Variants in MEGF9 observed in about 807,000 individuals in gnomAD.
The protein encoded by MEGF9 is multiple EGF like domains 9.
MEGF9 carries 6 observed loss-of-function variants against 46.8 expected under a neutral mutation model. That is an observed-to-expected ratio of 0.13 (90% CI 0.07 to 0.25). The LOEUF (loss-of-function observed/expected upper bound fraction) is 0.25, where lower values mean the gene tolerates loss of function less well. Among genes scored for constraint, MEGF9 ranks in the 10% least tolerant of loss-of-function variants. The probability of loss-of-function intolerance (pLI) is 1.00; values close to 1 mark genes in which losing one functional copy is unlikely to be tolerated. For missense variants in MEGF9, 683 were observed against 792.4 expected (o/e 0.86, Z 1.66); for synonymous variants, 302 against 330.7 (o/e 0.91, Z 0.94).
chr9:120,713,704 T>C lies in MEGF9; in HGVS notation c.601+54A>G, dbSNP rs917759486. 2.8e-5 allele frequency: 35 copies of C among 1,263,672 alleles called. No homozygotes were observed. The East Asian group carries it at 4.4e-4, about 16-fold the overall frequency. The allele number at this position is 1,263,672 out of a possible 1,614,324, so 78.3% of individuals were successfully genotyped here. On this transcript the variant is annotated intron_variant, in intron 1 of 5. Coordinates refer to ENST00000373930, the MANE Select transcript of MEGF9 (RefSeq NM_001080497.3). The stretch of plus-strand genomic sequence containing the variant: ...TTATAGGCAAGAGCCCAACCCTAGA[T>C]TGCCGGGGCTGAGGTGAGGACGGGT...
At chr9:120,641,312 TTAAAG>T (rs1437064959) in intron 2 of MEGF9, among the ~76,000 whole-genome samples, 1 of 152,166 alleles carries the variant, frequency 6.6e-6, no homozygotes, top group South Asian at 2.1e-4. Context: ...GGTTTGTTCA[TTAAAG>T]TAAGATAAAG....
chr9:120,643,190 T>G (rs2043610709), intron 2 of MEGF9, among the ~76,000 whole-genome samples: 1 of 152,076 alleles, frequency 6.6e-6, no homozygotes, highest in Non-Finnish European at 1.5e-5. Context: ...AGTCCCATAT[T>G]TATCTCCATC....
exon 1 of MEGF9, chr9:120,714,464 TCCCTCTGACAGG>T (rs1300701463): frequency 1.0e-6 from 1 of 1,003,822 alleles, no homozygotes; most frequent in African/African-American, 1.7e-5. Context: ...CATCGCCACC[TCCCTCTGACAGG>T]CGGCCGGCCC....
At chr9:120,614,017 A>ATTTTT (rs5900454) in intron 3 of MEGF9, among the ~76,000 whole-genome samples, 2 of 147,316 alleles carry the variant, frequency 1.4e-5, no homozygotes. Flanking sequence ...AAAAAGCTCA[A>ATTTTT]TTTTTTTTTT....
At chr9:120,712,049 G>T (rs2043956560) in intron 1 of MEGF9, among the ~76,000 whole-genome samples, 2 of 152,138 alleles carry the variant, frequency 1.3e-5, no homozygotes, top group Non-Finnish European at 1.5e-5. Flanking sequence ...TTGAGTTCAG[G>T]AACTCAAGAC....
At chr9:120,611,853 AAGGAAGG>A (rs1334972669) in intron 4 of MEGF9, among the ~76,000 whole-genome samples, 15 of 139,792 alleles carry the variant, frequency 1.1e-4, no homozygotes, top group East Asian at 4.1e-4. Context: ...GGAAGGAAGG[AAGGAAGG>A]AAGAAAGAGA....
At chr9:120,640,931 T>A (rs112345526) in intron 2 of MEGF9, among the ~76,000 whole-genome samples, 47 of 149,950 alleles carry the variant, frequency 3.1e-4, no homozygotes, top group African/African-American at 1.1e-3. Context: ...AATGTTTAGA[T>A]CCCACTTATA....
At chr9:120,615,211 C>T (rs2043465907) in intron 3 of MEGF9, among the ~76,000 whole-genome samples, 1 of 151,366 alleles carries the variant, frequency 6.6e-6, no homozygotes. Flanking sequence ...TGCAATCCAG[C>T]CTGGGCAACA....
chr9:120,664,316 C>T (rs953913472), intron 1 of MEGF9, among the ~76,000 whole-genome samples: 7 of 152,216 alleles, frequency 4.6e-5, no homozygotes, highest in Non-Finnish European at 8.8e-5. Context: ...TTGGAAAATA[C>T]TAATTGTGAT....
intron 2 of MEGF9, among the ~76,000 whole-genome samples, chr9:120,650,339 A>G (rs1190438930): frequency 6.6e-6 from 1 of 152,242 alleles, no homozygotes; most frequent in African/African-American, 2.4e-5. Context: ...ATGCTACCTG[A>G]TTTCTCTATT....
intron 3 of MEGF9, among the ~76,000 whole-genome samples, chr9:120,616,571 C>A (rs551478660): frequency 6.7e-6 from 1 of 150,064 alleles, no homozygotes; most frequent in Non-Finnish European, 1.5e-5. Flanking sequence ...CCCAGCTACT[C>A]GGGAGGCTGA....
chr9:120,617,495 G>A (rs1040634885), intron 3 of MEGF9, among the ~76,000 whole-genome samples: 16 of 152,306 alleles, frequency 1.1e-4, no homozygotes, highest in Admixed American at 2.6e-4. Context: ...AAGGGAGAGA[G>A]TAACAGGGCA....
chr9:120,686,546 G>C lies in MEGF9; in HGVS notation c.602-26971C>G, dbSNP rs76525821. 3.5e-3 allele frequency among the ~76,000 whole-genome samples: 531 copies of C among 152,312 alleles called. 4 individuals carry two copies. The highest frequency in any genetic ancestry group is 0.012 in the African/African-American group (505 of 41,568). ...ACCCATAATTTGAAAAGGAGAGAGGGAGCTATCATGATACAGTATGCTGGT... is the reference window on the plus strand; with the variant it reads ...ACCCATAATTTGAAAAGGAGAGAGGCAGCTATCATGATACAGTATGCTGGT... On this transcript the variant is annotated intron_variant, in intron 1 of 5. Coordinates refer to ENST00000373930, the MANE Select transcript of MEGF9 (RefSeq NM_001080497.3).
chr9:120,616,444 C>T (rs1455278420), intron 3 of MEGF9, among the ~76,000 whole-genome samples: 2 of 151,926 alleles, frequency 1.3e-5, no homozygotes, highest in Non-Finnish European at 2.9e-5. Flanking sequence ...CTCTGGGAGG[C>T]CGAGGCGGTC....
At chr9:120,634,296 AATT>A (rs2043563122) in intron 2 of MEGF9, among the ~76,000 whole-genome samples, 1 of 152,018 alleles carries the variant, frequency 6.6e-6, no homozygotes, top group African/African-American at 2.4e-5. Flanking sequence ...ATATATTTAC[AATT>A]ATTATATCCT....
chr9:120,650,152 C>G (rs981283854), intron 2 of MEGF9, among the ~76,000 whole-genome samples: 67 of 152,204 alleles, frequency 4.4e-4, no homozygotes, highest in African/African-American at 1.6e-3. Flanking sequence ...GCCCGTAATC[C>G]CAGCTACTTG....
intron 2 of MEGF9, among the ~76,000 whole-genome samples, chr9:120,652,213 T>C (rs1587984836): frequency 9.1e-6 from 1 of 110,348 alleles, no homozygotes; most frequent in Non-Finnish European, 1.7e-5. Context: ...AGGTCAGGCA[T>C]GGTGGCTCCT....
In MEGF9 at chr9:120,714,211, G is replaced by C. The variant is rs2043967818; in HGVS notation, c.148C>G (p.Gln50Glu). 11 of 1,236,312 alleles carry C rather than the reference G, an allele frequency of 8.9e-6. No individual in the cohort carries two copies. The highest frequency in any genetic ancestry group is 1.0e-6 in the Non-Finnish European group (1 of 992,100). 76.6% of individuals were successfully genotyped at this position (1,236,312 alleles called of 1,614,324 possible). A position where few individuals can be genotyped will look rare whatever the true frequency, so the allele number is the denominator to read the frequency against. The change falls in exon 1 of 6, where the codon CAG (glutamine) becomes GAG (glutamate). Residue 50 changes from glutamine to glutamate, a missense_variant. Transcript: ENST00000373930. ...NVTGGGGAAG[Q>E]VDASPGPGLR... ...CCGGGGCCCGGCGACGCGTCCACCTGCCCCGCGGCCCCGCCGCCACCGGTG... is the reference window on the plus strand; with the variant it reads ...CCGGGGCCCGGCGACGCGTCCACCTCCCCCGCGGCCCCGCCGCCACCGGTG...
At chr9:120,660,805 T>C (rs997935157) in intron 1 of MEGF9, among the ~76,000 whole-genome samples, 1 of 152,216 alleles carries the variant, frequency 6.6e-6, no homozygotes, top group African/African-American at 2.4e-5. Flanking sequence ...CATTCCAAAA[T>C]AGCTATGATC....
Sources: gnomAD v4.1 joint callset for allele counts (sites outside exome capture counted in the v4.1 genomes callset) on GRCh38, gnomAD v4.1.1 for gene constraint, MANE v1.5 for transcripts, NCBI Gene and HGNC (gene_info 2026-07-23, HGNC 2026-07-21) for gene names.